The following LOXHD1 variants were observed in gnomAD, a reference collection of about 807,000 sequenced individuals.
LOXHD1 encodes the protein lipoxygenase homology PLAT domains 1.
A neutral mutation model predicts 248.2 loss-of-function variants in LOXHD1; 205 were observed. That is an observed-to-expected ratio of 0.83 (90% confidence interval 0.74 to 0.93). The LOEUF (loss-of-function observed/expected upper bound fraction) is 0.93. Among genes scored for constraint, LOXHD1 ranks in the 40% least tolerant of loss-of-function variants. The pLI, the probability that LOXHD1 is intolerant of heterozygous loss-of-function variation, is 0.00. For synonymous variants in LOXHD1, 1,113 were observed against 1,162.8 expected (o/e 0.96, Z 0.87); for missense variants, 2,930 against 2,971.6 (o/e 0.99, Z 0.33).
chr18:46,572,795 G>A (rs1210593642), intron 14 of LOXHD1, among the ~76,000 whole-genome samples: 5 of 151,972 alleles, frequency 3.3e-5, no homozygotes, highest in Non-Finnish European at 5.9e-5. Flanking sequence ...TAGGCCAGGC[G>A]GGTGGATCAC....
At chr18:46,622,500 G>C (rs959756610) in intron 4 of LOXHD1, among the ~76,000 whole-genome samples, 1 of 152,190 alleles carries the variant, frequency 6.6e-6, no homozygotes, top group Non-Finnish European at 1.5e-5. Context: ...GATATGTCTT[G>C]AACTCTCAGG....
chr18:46,573,325 A>G (rs1002760539), intron 14 of LOXHD1, among the ~76,000 whole-genome samples: 3 of 152,204 alleles, frequency 2.0e-5, no homozygotes, highest in Non-Finnish European at 2.9e-5. Flanking sequence ...AAAAGCACCT[A>G]TCACACTGGG....
At chr18:46,541,197 C>T (rs2036544637) in intron 25 of LOXHD1, among the ~76,000 whole-genome samples, 1 of 152,150 alleles carries the variant, frequency 6.6e-6, no homozygotes, top group South Asian at 2.1e-4. Context: ...CTAAATTACT[C>T]CCTTCCCTTC....
intron 40 of LOXHD1, among the ~76,000 whole-genome samples, chr18:46,479,763 GA>G (rs11366561): frequency 0.17 from 21,731 of 126,010 alleles, 2,403 homozygotes; most frequent in East Asian, 0.63. Flanking sequence ...ATTCTTAACA[GA>G]AAAAAAAAAA....
At chr18:46,484,640 G>A (rs1386535650) in intron 39 of LOXHD1, among the ~76,000 whole-genome samples, 3 of 152,232 alleles carry the variant, frequency 2.0e-5, no homozygotes, top group East Asian at 3.9e-4. Context: ...ATGTAGCAGA[G>A]TTAAGGGGGA....
At chr18:46,566,185 TCCCTC>T in intron 17 of LOXHD1, 67 bp downstream of exon 17, 4 of 1,464,044 alleles carry the variant, frequency 2.7e-6, no homozygotes, top group Non-Finnish European at 3.7e-6. Flanking sequence ...TGCCCCATGG[TCCCTC>T]CTCCTTCCCC....
chr18:46,631,120 G>A (rs1419624939), intron 4 of LOXHD1, among the ~76,000 whole-genome samples: 1 of 152,102 alleles, frequency 6.6e-6, no homozygotes, highest in Non-Finnish European at 1.5e-5. Flanking sequence ...AAGCCCCTAA[G>A]TCCCAGTGGC....
chr18:46,489,962 T>C (rs1342242182), intron 37 of LOXHD1, among the ~76,000 whole-genome samples: 2 of 152,246 alleles, frequency 1.3e-5, no homozygotes, highest in Admixed American at 6.5e-5. Context: ...ATTGAACACA[T>C]AGCTGCCCTT....
intron 21 of LOXHD1, chr18:46,555,282 A>C: frequency 2.3e-6 from 1 of 441,766 alleles, no homozygotes; most frequent in East Asian, 7.1e-5. Context: ...TCAGAAGAGG[A>C]AACAAAAGCC....
At chr18:46,512,689 AC>A (rs1448421522) in intron 34 of LOXHD1, among the ~76,000 whole-genome samples, 1 of 152,206 alleles carries the variant, frequency 6.6e-6, no homozygotes, top group Non-Finnish European at 1.5e-5. Flanking sequence ...TCCATGGCCA[AC>A]CTTTAGTAAG....
At chr18:46,535,901 A>G (rs556643356) in intron 26 of LOXHD1, among the ~76,000 whole-genome samples, 1 of 152,246 alleles carries the variant, frequency 6.6e-6, no homozygotes, top group South Asian at 2.1e-4. Context: ...TCAGAGAGCA[A>G]TGTGGCCTTT....
In LOXHD1 at chr18:46,477,975, G is replaced by A. The variant is rs1157751573; in HGVS notation, c.6342-23C>T. 8.4e-6 allele frequency: 13 copies of A among 1,540,234 alleles called. No homozygotes were observed. In the Admixed American group the frequency reaches 1.6e-4, roughly 19 times the overall value. On this transcript the variant is annotated intron_variant, in intron 40 of 40. Transcript: ENST00000642948. ...TACCTGGCAGAGAGGTGGGAGAGTG[G>A]AGGGGTAGGGGCTAAGCAGACCCCA... is the stretch of plus-strand genomic sequence containing the variant.
intron 3 of LOXHD1, among the ~76,000 whole-genome samples, chr18:46,640,976 C>T (rs582464): frequency 0.79 from 119,833 of 151,992 alleles, 47,321 homozygotes; most frequent in East Asian, 0.9. Flanking sequence ...ACCCATGATA[C>T]ACCAGGCCCT....
intron 8 of LOXHD1, among the ~76,000 whole-genome samples, chr18:46,597,829 G>A (rs868760292): frequency 2.6e-5 from 4 of 151,218 alleles, no homozygotes; most frequent in Admixed American, 6.6e-5. Context: ...CAATCTCAGC[G>A]CACTGCAAGC....
rs1035237484 is a variant in LOXHD1, at chr18:46,601,474, T to C, written c.884-7A>G. On this transcript the variant is annotated splice_region_variant and splice_polypyrimidine_tract_variant and intron_variant, in intron 7 of 40. Transcript: ENST00000642948. ...GTGACAATATACGTAATAGCTGGTG[T>C]GGAAACAACAGGAAAGAGAGTGTTC... The C allele has an allele frequency of 6.4e-7, 1 of 1,551,776 alleles. No homozygotes were observed. The highest frequency in any genetic ancestry group is 8.7e-7 in the Non-Finnish European group (1 of 1,147,016).
rs568468571 is a variant in LOXHD1 at position 46,646,842 on chromosome 18, G to A, written c.245+2313C>T. Among the ~76,000 whole-genome samples, 21 of 152,292 alleles carry A rather than the reference G, an allele frequency of 1.4e-4. 1 individual carries two copies. The East Asian group carries it at 3.5e-3, about 25-fold the overall frequency. On this transcript the variant is annotated intron_variant, in intron 2 of 40. Coordinates refer to ENST00000642948, the MANE Select transcript of LOXHD1 (RefSeq NM_001384474.1). ...CACACTGATACCACTGGCCTTTGCCGAGCTCTGACTATATACACAGAACTG... is the reference window on the plus strand; with the variant it reads ...CACACTGATACCACTGGCCTTTGCCAAGCTCTGACTATATACACAGAACTG...
At chr18:46,538,899 C>T (rs1319494236) in intron 25 of LOXHD1, among the ~76,000 whole-genome samples, 2 of 152,208 alleles carry the variant, frequency 1.3e-5, no homozygotes, top group African/African-American at 4.8e-5. Flanking sequence ...CCTGCCCCAA[C>T]CCATCCACCT....
intron 26 of LOXHD1, 62 bp from the exon 27 acceptor site, chr18:46,534,513 C>T (rs1410133809): frequency 8.2e-7 from 1 of 1,214,762 alleles, no homozygotes; most frequent in Non-Finnish European, 1.2e-6. Context: ...ATGGCCTTGG[C>T]AACATCCTGC....
At chr18:46,593,802 A>G (rs1217309083) in intron 9 of LOXHD1, 42 bp from the exon 10 acceptor site, 1 of 1,547,018 alleles carries the variant, frequency 6.5e-7, no homozygotes. Context: ...TCAGGAAGTG[A>G]AGAGATTTTC....
Sources: gnomAD v4.1 joint callset for allele counts (sites outside exome capture counted in the v4.1 genomes callset) on GRCh38, gnomAD v4.1.1 for gene constraint, MANE v1.5 for transcripts, NCBI Gene and HGNC (gene_info 2026-07-23, HGNC 2026-07-21) for gene names.